Variants in TEAD1 observed in about 807,000 individuals in gnomAD.
TEAD1 encodes transcriptional enhancer factor TEF-1.
In TEAD1, 9 loss-of-function variants were observed where a neutral mutation model predicts 54.9. The observed-to-expected ratio is 0.16, with a 90% CI of 0.10 to 0.29. The LOEUF (loss-of-function observed/expected upper bound fraction) is 0.29. TEAD1 is among the 10% of genes least tolerant of loss of function. TEAD1 has a pLI of 1.00. For synonymous variants in TEAD1, 200 were observed against 187.8 expected, an observed-to-expected ratio of 1.07 and a Z score of -0.53; for missense variants, 387 against 535.9, an observed-to-expected ratio of 0.72 and a Z score of 2.74.
rs2304732 is a variant in TEAD1, at chr11:12,880,921, A to G, written c.466-84A>G. 2.2e-5 allele frequency: 32 copies of G among 1,476,328 alleles called. No homozygotes were observed. In the East Asian group the frequency reaches 7.2e-4, roughly 33 times the overall value. 91.5% of individuals were successfully genotyped at this position (1,476,328 alleles called of 1,614,324 possible). A position where few individuals can be genotyped will look rare whatever the true frequency, so the allele number is the denominator to read the frequency against. On this transcript the variant is annotated intron_variant, in intron 6 of 12. Transcript: ENST00000527636. Reference sequence around the variant, plus strand: ...TGGGTGATCGAACCTGCTGTCTTTTAGCAGGGGTTGTGATGCGTAGGCATC... The same window carrying G: ...TGGGTGATCGAACCTGCTGTCTTTTGGCAGGGGTTGTGATGCGTAGGCATC...
intron 9 of TEAD1, among the ~76,000 whole-genome samples, chr11:12,885,173 A>G (rs961050520): frequency 1.3e-5 from 2 of 151,778 alleles, no homozygotes; most frequent in Non-Finnish European, 2.9e-5. Flanking sequence ...CTTGTATTTC[A>G]TTGTATCCTT....
intron 5 of TEAD1, among the ~76,000 whole-genome samples, chr11:12,871,199 C>G (rs1947738040): frequency 1.3e-5 from 2 of 152,190 alleles, no homozygotes; most frequent in Admixed American, 6.5e-5. Context: ...AGAGGTCTCC[C>G]TTGGACCTTG....
chr11:12,751,941 C>T (rs1182239380), intron 2 of TEAD1, among the ~76,000 whole-genome samples: 1 of 152,132 alleles, frequency 6.6e-6, no homozygotes, highest in East Asian at 1.9e-4. Context: ...AATGGCTTGA[C>T]CACGAGGTAA....
chr11:12,924,638 T>G (rs11022560), intron 10 of TEAD1, among the ~76,000 whole-genome samples: 1 of 152,146 alleles, frequency 6.6e-6, no homozygotes, highest in Non-Finnish European at 1.5e-5. Flanking sequence ...GTGGATCTTT[T>G]ATTGCAAGGG....
intron 5 of TEAD1, 144 bp downstream of exon 5, chr11:12,865,044 ATCTC>A (rs1202143155): frequency 7.5e-6 from 7 of 930,372 alleles, no homozygotes; most frequent in African/African-American, 6.5e-5. Context: ...TTTGTGTTTA[ATCTC>A]TCTGTTTCTG....
At chr11:12,805,272 C>T (rs1946146026) in intron 3 of TEAD1, among the ~76,000 whole-genome samples, 1 of 152,098 alleles carries the variant, frequency 6.6e-6, no homozygotes, top group African/African-American at 2.4e-5. Context: ...ATGAACATGC[C>T]TGCTTTATAT....
intron 10 of TEAD1, among the ~76,000 whole-genome samples, chr11:12,910,066 G>C (rs1030562699): frequency 6.6e-6 from 1 of 152,180 alleles, no homozygotes; most frequent in African/African-American, 2.4e-5. Flanking sequence ...TCAGGCAGAT[G>C]GATTGCCAGT....
intron 3 of TEAD1, among the ~76,000 whole-genome samples, chr11:12,831,057 C>A (rs1460778719): frequency 6.6e-6 from 1 of 152,158 alleles, no homozygotes; most frequent in Non-Finnish European, 1.5e-5. Context: ...TAGTTCCAGC[C>A]GTTCAGTTCC....
intron 5 of TEAD1, chr11:12,879,492 C>A: frequency 1.5e-6 from 1 of 664,642 alleles, no homozygotes. Flanking sequence ...CTAAAAAAAG[C>A]CTTGCCCCAT....
chr11:12,770,418 A>G (rs1190174137), intron 3 of TEAD1, among the ~76,000 whole-genome samples: 2 of 152,258 alleles, frequency 1.3e-5, no homozygotes, highest in Non-Finnish European at 2.9e-5. Flanking sequence ...CCTGGGATTC[A>G]GGAAGATGTG....
chr11:12,923,988 A>G (rs12796698), intron 10 of TEAD1, among the ~76,000 whole-genome samples: 24,291 of 152,204 alleles, frequency 0.16, 2,233 homozygotes, highest in Admixed American at 0.22. Context: ...TCTGAAGCAC[A>G]GTGCTAATCA....
chr11:12,746,063 G>T (rs543582787), intron 2 of TEAD1, among the ~76,000 whole-genome samples: 1 of 152,194 alleles, frequency 6.6e-6, no homozygotes, highest in Non-Finnish European at 1.5e-5. Flanking sequence ...AGTAAACCAG[G>T]ATGAAAGAAC....
Position 12,689,378 on chromosome 11 carries a change from T to A in TEAD1, c.-55+13817T>A, listed in dbSNP as rs1311440909. On this transcript the variant is annotated intron_variant, in intron 2 of 12. Coordinates refer to ENST00000527636, the MANE Select transcript of TEAD1 (RefSeq NM_021961.6). ...GCATTATGCTTATGAACTTGTGGAA[T>A]GACACAGGTTTCCTTCACTTATCTG... Among the ~76,000 whole-genome samples the A allele has an allele frequency of 2.0e-5, 3 of 152,254 alleles. No individual in the cohort carries two copies. The South Asian group carries it at 6.2e-4, about 31-fold the overall frequency.
At chr11:12,751,803 G>A (rs1027172993) in intron 2 of TEAD1, among the ~76,000 whole-genome samples, 7 of 152,122 alleles carry the variant, frequency 4.6e-5, no homozygotes, top group Non-Finnish European at 7.4e-5. Context: ...AGAGGATAGA[G>A]GTGAAGACTA....
chr11:12,765,891 T>G (rs1395293279), intron 3 of TEAD1, among the ~76,000 whole-genome samples: 1 of 152,228 alleles, frequency 6.6e-6, no homozygotes, highest in East Asian at 1.9e-4. Context: ...TCTGGATCTT[T>G]CCTGGTCTCT....
chr11:12,912,322 T>G (rs1713029782), intron 10 of TEAD1, among the ~76,000 whole-genome samples: 1 of 152,028 alleles, frequency 6.6e-6, no homozygotes, highest in Non-Finnish European at 1.5e-5. Context: ...GGAGCTGTAG[T>G]GGAAGTGGGC....
chr11:12,790,733 AGG>A (rs1945782779), intron 3 of TEAD1, among the ~76,000 whole-genome samples: 1 of 152,240 alleles, frequency 6.6e-6, no homozygotes, highest in Admixed American at 6.5e-5. Flanking sequence ...TGTATAAAGA[AGG>A]TGTATAAATA....
chr11:12,807,378 A>G (rs1391259647), intron 3 of TEAD1, among the ~76,000 whole-genome samples: 1 of 152,194 alleles, frequency 6.6e-6, no homozygotes, highest in African/African-American at 2.4e-5. Context: ...AGGGGGCAGT[A>G]TGTTTAATAG....
intron 2 of TEAD1, among the ~76,000 whole-genome samples, chr11:12,751,285 CAAAAAAA>C (rs67548037): frequency 8.9e-6 from 1 of 112,624 alleles, no homozygotes; most frequent in African/African-American, 3.0e-5. Context: ...CAACCTGACT[CAAAAAAA>C]AAAAAAAAAA....
Sources: gnomAD v4.1 joint callset for allele counts (sites outside exome capture counted in the v4.1 genomes callset) on GRCh38, gnomAD v4.1.1 for gene constraint, MANE v1.5 for transcripts, NCBI Gene and HGNC (gene_info 2026-07-23, HGNC 2026-07-21) for gene names.